BCO1: variants seen among roughly 807,000 people sequenced by gnomAD.
BCO1 encodes the protein beta-carotene oxygenase 1, also known as beta,beta-carotene 15,15'-dioxygenase.
BCO1 carries 54 observed loss-of-function variants against 56.3 expected under a neutral mutation model. That is an observed-to-expected ratio of 0.96 (90% CI 0.77 to 1.20). The LOEUF (loss-of-function observed/expected upper bound fraction) is 1.20. Ranked by LOEUF, BCO1 falls within the 50% of genes most tolerant of loss-of-function variation. The pLI, the probability that BCO1 is intolerant of heterozygous loss-of-function variation, is 0.00. For synonymous variants in BCO1, 318 were observed against 266.1 expected (o/e 1.20, Z -1.90); for missense variants, 801 against 690.9 (o/e 1.16, Z -1.79).
In BCO1 at chr16:81,238,783, G is replaced by T; in HGVS notation, c.-126G>T. 1.2e-6 allele frequency: 1 copy of T among 842,738 alleles called. No individual in the cohort carries two copies. The highest frequency in any genetic ancestry group is 1.9e-5 in the Admixed American group (1 of 53,438). 52.2% of individuals were successfully genotyped at this position (842,738 alleles called of 1,614,324 possible). ...GGCAGAAACGGCATCAGGAGAGACA[G>T]AGATGTGAAGGAGGGAAGGAGCAGG... On this transcript the variant is annotated 5_prime_UTR_variant, in exon 1 of 11. Coordinates refer to ENST00000258168, the MANE Select transcript of BCO1 (RefSeq NM_017429.3).
chr16:81,255,570 G>T (rs1398690045), intron 2 of BCO1, among the ~76,000 whole-genome samples: 1 of 151,472 alleles, frequency 6.6e-6, no homozygotes, highest in African/African-American at 2.4e-5. Context: ...CGTGATCTCA[G>T]CTCACTGCAA....
Position 81,238,810 on chromosome 16 carries a change from G to T in BCO1, c.-99G>T. ...GATGTGAAGGAGGGAAGGAGCAGGA[G>T]AGCAGGAAGGAAACGCAGGAGGAGG... is the stretch of plus-strand genomic sequence containing the variant. On this transcript the variant is annotated 5_prime_UTR_variant, in exon 1 of 11. Coordinates refer to ENST00000258168, the MANE Select transcript of BCO1 (RefSeq NM_017429.3). 1 of 1,018,580 alleles carries T rather than the reference G, an allele frequency of 9.8e-7. No individual in the cohort carries two copies. Among genetic ancestry groups the T allele is most frequent in the Non-Finnish European group, 1.6e-6 (1 of 640,840 alleles). The allele number at this position is 1,018,580 out of a possible 1,614,324, so 63.1% of individuals were successfully genotyped here.
At chr16:81,246,030 T>G (rs1053592917) in intron 2 of BCO1, among the ~76,000 whole-genome samples, 1 of 151,912 alleles carries the variant, frequency 6.6e-6, no homozygotes, top group Non-Finnish European at 1.5e-5. Flanking sequence ...GCCCAGCTAA[T>G]TTTTGTACTT....
At chr16:81,246,694 T>A (rs1905438945) in intron 2 of BCO1, among the ~76,000 whole-genome samples, 2 of 151,240 alleles carry the variant, frequency 1.3e-5, no homozygotes, top group Non-Finnish European at 2.9e-5. Flanking sequence ...CCACCAAAAA[T>A]ACAAAAATTA....
intron 1 of BCO1, among the ~76,000 whole-genome samples, chr16:81,244,822 C>T (rs1007712327): frequency 2.7e-5 from 4 of 150,576 alleles, no homozygotes; most frequent in Non-Finnish European, 5.9e-5. Context: ...CAGGCTCAAG[C>T]GATCCTCCCA....
chr16:81,261,098 G>A (rs974277103), intron 3 of BCO1, among the ~76,000 whole-genome samples: 4 of 152,194 alleles, frequency 2.6e-5, no homozygotes, highest in African/African-American at 9.6e-5. Context: ...TGGAGTAGGA[G>A]CCAGTGAGAA....
chr16:81,243,899 G>T (rs925415840), intron 1 of BCO1, among the ~76,000 whole-genome samples: 2 of 152,218 alleles, frequency 1.3e-5, no homozygotes, highest in African/African-American at 4.8e-5. Context: ...CCAATAAATG[G>T]GGCATTGTCG....
At chr16:81,247,907 C>T (rs923352429) in intron 2 of BCO1, among the ~76,000 whole-genome samples, 6 of 152,124 alleles carry the variant, frequency 3.9e-5, no homozygotes, top group African/African-American at 1.2e-4. Flanking sequence ...TGAATCCCAG[C>T]TCCACCATCC....
intron 7 of BCO1, among the ~76,000 whole-genome samples, chr16:81,279,903 C>T (rs956222706): frequency 1.4e-4 from 21 of 152,128 alleles, no homozygotes; most frequent in Non-Finnish European, 1.6e-4. Context: ...ACTGAAAATA[C>T]AGAGAGGCAT....
At chr16:81,254,095 C>T (rs1278713049) in intron 2 of BCO1, among the ~76,000 whole-genome samples, 1 of 152,046 alleles carries the variant, frequency 6.6e-6, no homozygotes, top group African/African-American at 2.4e-5. Context: ...GAGGAACTAG[C>T]AGGTCTTTCA....
In BCO1 at chr16:81,246,850, C is replaced by CAAAAAAAAAAAAAAAAAAA. The variant is rs71710906; in HGVS notation, c.193+1265_193+1266insAAAAAAAAAAAAAAAAAAA. Among the ~76,000 whole-genome samples the CAAAAAAAAAAAAAAAAAAA allele has an allele frequency of 6.0e-4, 50 of 83,290 alleles. 1 individual carries two copies. Among genetic ancestry groups the CAAAAAAAAAAAAAAAAAAA allele is most frequent in the East Asian group, 9.2e-4 (2 of 2,174 alleles). 54.6% of individuals were successfully genotyped at this position (83,290 alleles called of 152,430 possible). A position where few individuals can be genotyped will look rare whatever the true frequency, so the allele number is the denominator to read the frequency against. The stretch of plus-strand genomic sequence containing the variant: ...TGGGAGACAGAGCCAGACTTTGTCT[C>CAAAAAAAAAAAAAAAAAAA]AAAAAAAAAAAAAAAAAAGAAGAGT... On this transcript the variant is annotated intron_variant, in intron 2 of 10. Transcript: ENST00000258168.
intron 7 of BCO1, among the ~76,000 whole-genome samples, chr16:81,274,413 G>A (rs535035515): frequency 2.3e-4 from 35 of 151,988 alleles, no homozygotes; most frequent in Admixed American, 1.4e-3. Flanking sequence ...ACAGGCGCCC[G>A]CCACTACACC....
chr16:81,250,101 C>T (rs13336103), intron 2 of BCO1, among the ~76,000 whole-genome samples: 2,975 of 152,284 alleles, frequency 0.02, 88 homozygotes, highest in African/African-American at 0.067. Context: ...ATCCACAACT[C>T]AGCCCTCCCC....
rs556187336 is a variant in BCO1, at chr16:81,289,991, GT to G, written c.1415-356del. 2.6e-5 allele frequency among the ~76,000 whole-genome samples: 4 copies of G among 152,334 alleles called. No homozygotes were observed. The East Asian group carries it at 7.7e-4, about 29-fold the overall frequency. ...TAATTCTCTGGCTTCAGTCTACTGA[GT>G]AGCTGAGATTACAAGCACCCACCAC... On this transcript the variant is annotated intron_variant, in intron 10 of 10. Coordinates refer to ENST00000258168, the MANE Select transcript of BCO1 (RefSeq NM_017429.3).
chr16:81,238,756 A>G lies in BCO1; in HGVS notation c.-153A>G. Reference sequence around the variant, plus strand: ...AGAGCCAGCCAAAAAGGAAAAAGCAAAGGCAGAAACGGCATCAGGAGAGAC... The same window carrying G: ...AGAGCCAGCCAAAAAGGAAAAAGCAGAGGCAGAAACGGCATCAGGAGAGAC... On this transcript the variant is annotated 5_prime_UTR_variant, in exon 1 of 11. Transcript: ENST00000258168. 1.4e-6 allele frequency: 1 copy of G among 739,198 alleles called. No individual in the cohort carries two copies. Among genetic ancestry groups the G allele is most frequent in the Non-Finnish European group, 2.4e-6 (1 of 411,348 alleles). The allele number at this position is 739,198 out of a possible 1,614,324, so 45.8% of individuals were successfully genotyped here.
Position 81,290,342 on chromosome 16 carries a change from C to T in BCO1, c.1415-6C>T, listed in dbSNP as rs750481700. On this transcript the variant is annotated splice_region_variant and splice_polypyrimidine_tract_variant and intron_variant, in intron 10 of 10. Transcript: ENST00000258168. ...TACGAAGTGTTTTTTTTCTGTTTCC[C>T]TAAAGGAGTAATCTTATCAGCCATT... is the stretch of plus-strand genomic sequence containing the variant. 2.5e-6 allele frequency: 4 copies of T among 1,611,126 alleles called. No individual in the cohort carries two copies. In the East Asian group the frequency reaches 8.9e-5, roughly 36 times the overall value.
chr16:81,259,023 A>G (rs868434135), intron 2 of BCO1, among the ~76,000 whole-genome samples: 7 of 152,112 alleles, frequency 4.6e-5, no homozygotes, highest in African/African-American at 1.7e-4. Context: ...CATCACCAGA[A>G]CAACACTAAG....
chr16:81,249,203 G>C (rs1357771342), intron 2 of BCO1, among the ~76,000 whole-genome samples: 3 of 150,362 alleles, frequency 2.0e-5, no homozygotes, highest in Non-Finnish European at 4.4e-5. Flanking sequence ...TGATTCTCAT[G>C]TCTCAGCCTC....
chr16:81,277,857 C>T (rs1907648574), intron 7 of BCO1, among the ~76,000 whole-genome samples: 1 of 152,106 alleles, frequency 6.6e-6, no homozygotes, highest in Non-Finnish European at 1.5e-5. Flanking sequence ...ACAGTTTATT[C>T]CTCAACCAGT....
Sources: allele counts gnomAD v4.1 joint callset (sites outside exome capture counted in the v4.1 genomes callset), GRCh38; gene constraint gnomAD v4.1.1; transcripts MANE v1.5; gene names NCBI Gene and HGNC (gene_info 2026-07-23, HGNC 2026-07-21).